Variants in RBMS3 observed in about 807,000 individuals in gnomAD.
RBMS3 encodes RNA-binding motif, single-stranded-interacting protein 3.
A neutral mutation model predicts 66.8 loss-of-function variants in RBMS3; 27 were observed. The ratio of observed to expected loss-of-function variants is 0.40; its 90% CI spans 0.30 to 0.56. The LOEUF is 0.56. Among genes scored for constraint, RBMS3 ranks in the 20% least tolerant of loss-of-function variants. The probability of loss-of-function intolerance (pLI) is 0.40; values close to 1 mark genes in which losing one functional copy is unlikely to be tolerated. For missense variants in RBMS3, 513 were observed against 549.5 expected (o/e 0.93, Z 0.66); for synonymous variants, 188 against 183.0 (o/e 1.03, Z -0.22).
chr3:29,729,829 A>AG (rs940588690), intron 4 of RBMS3, among the ~76,000 whole-genome samples: 50 of 151,896 alleles, frequency 3.3e-4, no homozygotes, highest in Middle Eastern at 3.4e-3. Flanking sequence ...ATCCTAAGCA[A>AG]AAAGAACAAT....
At chr3:29,755,183 C>A (rs2149371612) in intron 5 of RBMS3, among the ~76,000 whole-genome samples, 1 of 152,202 alleles carries the variant, frequency 6.6e-6, no homozygotes, top group Admixed American at 6.5e-5. Flanking sequence ...TCTGCCATTT[C>A]TTTATGAAAA....
intron 4 of RBMS3, among the ~76,000 whole-genome samples, chr3:29,593,506 C>A (rs553780792): frequency 1.3e-5 from 2 of 149,556 alleles, no homozygotes; most frequent in Admixed American, 1.3e-4. Flanking sequence ...GAGTTGTTTC[C>A]TGAGACTGGG....
chr3:29,420,307 T>A (rs774229833), intron 1 of RBMS3, among the ~76,000 whole-genome samples: 1 of 152,122 alleles, frequency 6.6e-6, no homozygotes, highest in Non-Finnish European at 1.5e-5. Context: ...TCAATAAATC[T>A]TCTTCTTTTC....
intron 3 of RBMS3, among the ~76,000 whole-genome samples, chr3:29,514,407 T>C (rs2044530137): frequency 6.6e-6 from 1 of 151,982 alleles, no homozygotes; most frequent in South Asian, 2.1e-4. Flanking sequence ...GGATTGGTAG[T>C]AGTTTTCTCA....
chr3:29,593,755 A>C (rs1353449272), intron 4 of RBMS3, among the ~76,000 whole-genome samples: 1 of 152,236 alleles, frequency 6.6e-6, no homozygotes, highest in African/African-American at 2.4e-5. Context: ...ATTTATGTTG[A>C]ACACCTGCTA....
chr3:29,757,494 C>G (rs980916561), intron 5 of RBMS3, among the ~76,000 whole-genome samples: 1 of 152,198 alleles, frequency 6.6e-6, no homozygotes. Flanking sequence ...ATACCTGACA[C>G]AGAACTTCGG....
chr3:29,739,868 G>A lies in RBMS3; in HGVS notation c.548G>A (p.Gly183Asp). 1 of 1,571,608 alleles carries A rather than the reference G, an allele frequency of 6.4e-7. No individual in the cohort carries two copies. Among genetic ancestry groups the A allele is most frequent in the Non-Finnish European group, 8.6e-7 (1 of 1,162,960 alleles). The change falls in exon 5 of 15, where the codon GGC becomes GAC. Residue 183 changes from glycine (G) to aspartate (D), a missense_variant. Gly to Asp is a moderately conservative substitution (Grantham distance 94, BLOSUM62 -1). Coordinates refer to ENST00000383767, the MANE Select transcript of RBMS3 (RefSeq NM_001003793.3). ...GCTAATGGAGTCAGCAGAGGTGTTG[G>A]CTTTGCCAGGTAAAATTCTTTCTTT... ...RDANGVSRGV[G>D]FARMESTEKC...
At chr3:29,569,697 G>T (rs1044230781) in intron 3 of RBMS3, among the ~76,000 whole-genome samples, 1 of 151,966 alleles carries the variant, frequency 6.6e-6, no homozygotes, top group Non-Finnish European at 1.5e-5. Flanking sequence ...ATGCATGAAA[G>T]TCTTTTTTTA....
intron 6 of RBMS3, among the ~76,000 whole-genome samples, chr3:29,862,741 G>A (rs2059247588): frequency 6.6e-6 from 1 of 151,916 alleles, no homozygotes; most frequent in Non-Finnish European, 1.5e-5. Flanking sequence ...ATACTCAGGA[G>A]GATGAGGCAG....
At chr3:29,688,468 G>T (rs1195525531) in intron 4 of RBMS3, among the ~76,000 whole-genome samples, 1 of 150,006 alleles carries the variant, frequency 6.7e-6, no homozygotes, top group Non-Finnish European at 1.5e-5. Flanking sequence ...GAAGAGGGTA[G>T]ATCCCACATT....
At chr3:29,390,365 A>G (rs565504221) in intron 1 of RBMS3, among the ~76,000 whole-genome samples, 40 of 152,008 alleles carry the variant, frequency 2.6e-4, no homozygotes, top group Admixed American at 9.2e-4. Flanking sequence ...ATATTTAAAG[A>G]GATATTTTAT....
chr3:29,988,764 G>C (rs1371447406), intron 13 of RBMS3, among the ~76,000 whole-genome samples: 4 of 151,904 alleles, frequency 2.6e-5, no homozygotes, highest in Non-Finnish European at 5.9e-5. Flanking sequence ...GACCCTGTCA[G>C]AAGGAAGATC....
chr3:29,307,195 G>T (rs2034070160), intron 1 of RBMS3, among the ~76,000 whole-genome samples: 1 of 151,864 alleles, frequency 6.6e-6, no homozygotes, highest in Non-Finnish European at 1.5e-5. Flanking sequence ...GTTTCCACCT[G>T]CATTGGTGTT....
At chr3:29,315,262 T>G (rs1476564248) in intron 1 of RBMS3, among the ~76,000 whole-genome samples, 1 of 151,790 alleles carries the variant, frequency 6.6e-6, no homozygotes, top group Non-Finnish European at 1.5e-5. Context: ...ATCATTTATT[T>G]CATTTAACTA....
At chr3:29,982,243 T>G (rs888043730) in intron 12 of RBMS3, among the ~76,000 whole-genome samples, 1 of 152,188 alleles carries the variant, frequency 6.6e-6, no homozygotes, top group Non-Finnish European at 1.5e-5. Context: ...GATTGTAGTT[T>G]GTGTTTCTGT....
At chr3:29,585,926 C>T (rs114622769) in intron 3 of RBMS3, among the ~76,000 whole-genome samples, 2,025 of 152,002 alleles carry the variant, frequency 0.013, 49 homozygotes, top group African/African-American at 0.046. Context: ...AAAAAGAAGA[C>T]GAGATTCGAG....
intron 1 of RBMS3, among the ~76,000 whole-genome samples, chr3:29,417,718 C>A (rs2040534847): frequency 6.6e-6 from 1 of 152,022 alleles, no homozygotes; most frequent in South Asian, 2.1e-4. Flanking sequence ...TCGGGAATAT[C>A]TGAACATGGA....
chr3:29,720,793 G>A (rs1298718930), intron 4 of RBMS3, among the ~76,000 whole-genome samples: 3 of 151,112 alleles, frequency 2.0e-5, no homozygotes, highest in Admixed American at 6.6e-5. Context: ...CTGGAGGATC[G>A]GTCAACGACA....
At chr3:29,555,844 A>G (rs1172014409) in intron 3 of RBMS3, among the ~76,000 whole-genome samples, 1 of 151,560 alleles carries the variant, frequency 6.6e-6, no homozygotes, top group Non-Finnish European at 1.5e-5. Context: ...GAATCAACCA[A>G]TGCTCCAAAG....
Sources: allele counts gnomAD v4.1 joint callset (sites outside exome capture counted in the v4.1 genomes callset), GRCh38; gene constraint gnomAD v4.1.1; transcripts MANE v1.5; gene names NCBI Gene and HGNC (gene_info 2026-07-23, HGNC 2026-07-21).